PTPRR: variants seen among roughly 807,000 people sequenced by gnomAD.
The protein encoded by PTPRR is receptor-type tyrosine-protein phosphatase R.
PTPRR carries 38 observed loss-of-function variants against 77.2 expected under a neutral mutation model. The ratio of observed to expected loss-of-function variants is 0.49; its 90% confidence interval spans 0.38 to 0.65. PTPRR has a LOEUF of 0.65. Among genes scored for constraint, PTPRR ranks in the 30% least tolerant of loss-of-function variants. The pLI is 0.00. For missense variants in PTPRR, 744 were observed against 799.2 expected (o/e 0.93, Z 0.83); for synonymous variants, 299 against 283.1 (o/e 1.06, Z -0.57).
intron 1 of PTPRR, among the ~76,000 whole-genome samples, chr12:70,895,154 T>C (rs191560924): frequency 2.2e-4 from 34 of 151,720 alleles, no homozygotes; most frequent in African/African-American, 7.5e-4. Context: ...CAAGGCTTGA[T>C]GGAAAGCAAA....
intron 2 of PTPRR, among the ~76,000 whole-genome samples, chr12:70,866,190 A>T (rs10879207): frequency 6.6e-6 from 1 of 150,994 alleles, no homozygotes; most frequent in Non-Finnish European, 1.5e-5. Flanking sequence ...AAATCAGAGC[A>T]GAACTGAAGG....
At chr12:70,713,479 C>T (rs1047167008) in intron 6 of PTPRR, among the ~76,000 whole-genome samples, 2 of 151,762 alleles carry the variant, frequency 1.3e-5, no homozygotes, top group Non-Finnish European at 2.9e-5. Context: ...AAATTCTTTT[C>T]CAAAGTGGCT....
intron 10 of PTPRR, among the ~76,000 whole-genome samples, chr12:70,663,091 A>T (rs533421457): frequency 6.6e-6 from 1 of 152,360 alleles, no homozygotes; most frequent in East Asian, 1.9e-4. Flanking sequence ...GTTAGGTGGC[A>T]TACAACCAAG....
At chr12:70,911,785 T>C (rs1399874334) in intron 1 of PTPRR, among the ~76,000 whole-genome samples, 2 of 138,834 alleles carry the variant, frequency 1.4e-5, no homozygotes, top group East Asian at 4.2e-4. Context: ...GAATCCAGAA[T>C]GTATCTAGGT....
At chr12:70,917,113 A>G (rs1161806280) in intron 1 of PTPRR, among the ~76,000 whole-genome samples, 1 of 152,234 alleles carries the variant, frequency 6.6e-6, no homozygotes, top group African/African-American at 2.4e-5. Flanking sequence ...GAAATGCTGA[A>G]GAAAATAAGC....
In PTPRR at chr12:70,803,809, T is replaced by C. The variant is rs1891659384; in HGVS notation, c.358-39031A>G. Among the ~76,000 whole-genome samples, 4 of 152,286 alleles carry C rather than the reference T, an allele frequency of 2.6e-5. No homozygotes were observed. The South Asian group carries it at 8.3e-4, about 32-fold the overall frequency. ...ATGAGGAAACAGAATTGAAAATTAT[T>C]CTCAGAAATTATTTGCAATTGATCT... On this transcript the variant is annotated intron_variant, in intron 2 of 13. Coordinates refer to ENST00000283228, the MANE Select transcript of PTPRR (RefSeq NM_002849.4).
At chr12:70,730,172 T>C (rs1355565939) in intron 6 of PTPRR, among the ~76,000 whole-genome samples, 1 of 152,192 alleles carries the variant, frequency 6.6e-6, no homozygotes, top group East Asian at 1.9e-4. Flanking sequence ...TACAGTATAG[T>C]GCTGTTTCAC....
chr12:70,654,960 C>A (rs982215934), intron 13 of PTPRR, among the ~76,000 whole-genome samples: 1 of 152,156 alleles, frequency 6.6e-6, no homozygotes, highest in Non-Finnish European at 1.5e-5. Flanking sequence ...AACTCTTGTT[C>A]CACTGTAGTA....
chr12:70,742,031 T>C (rs1565676827), intron 6 of PTPRR, among the ~76,000 whole-genome samples: 1 of 152,084 alleles, frequency 6.6e-6, no homozygotes, highest in Non-Finnish European at 1.5e-5. Flanking sequence ...CTGCTGGAAA[T>C]GAAGGGGCTG....
At chr12:70,844,236 C>A (rs1892446847) in intron 2 of PTPRR, among the ~76,000 whole-genome samples, 1 of 152,090 alleles carries the variant, frequency 6.6e-6, no homozygotes, top group Middle Eastern at 3.4e-3. Flanking sequence ...TTTAAAGAAA[C>A]CAAAAATGAA....
At chr12:70,733,470 C>A (rs945465888) in intron 6 of PTPRR, among the ~76,000 whole-genome samples, 171 of 73,750 alleles carry the variant, frequency 2.3e-3, no homozygotes, top group African/African-American at 4.7e-3. Flanking sequence ...AAAATTATGG[C>A]AAAAAAAAAA....
chr12:70,701,569 A>G (rs1402732897), intron 6 of PTPRR, among the ~76,000 whole-genome samples: 1 of 152,248 alleles, frequency 6.6e-6, no homozygotes, highest in Non-Finnish European at 1.5e-5. Flanking sequence ...GAATGCATAT[A>G]CTTATTACAG....
chr12:70,737,045 G>A (rs1048777671), intron 6 of PTPRR, among the ~76,000 whole-genome samples: 3 of 152,100 alleles, frequency 2.0e-5, no homozygotes, highest in Non-Finnish European at 2.9e-5. Context: ...CTGCCACTTC[G>A]CTGGAGCAGC....
At chr12:70,759,679 T>TA (rs34011060) in intron 4 of PTPRR, among the ~76,000 whole-genome samples, 3,117 of 34,412 alleles carry the variant, frequency 0.091, 742 homozygotes, top group Non-Finnish European at 0.11. Flanking sequence ...GACTCCGTCT[T>TA]AAAAAAAAAA....
chr12:70,800,494 G>T (rs187559816), intron 2 of PTPRR, among the ~76,000 whole-genome samples: 2 of 152,264 alleles, frequency 1.3e-5, no homozygotes, highest in East Asian at 3.9e-4. Flanking sequence ...CACTTGCTAT[G>T]TCCCAGTCAC....
At chr12:70,640,679 A>C (rs141997437) in intron 13 of PTPRR, among the ~76,000 whole-genome samples, 32 of 152,330 alleles carry the variant, frequency 2.1e-4, no homozygotes, top group African/African-American at 7.5e-4. Flanking sequence ...ATTCAAAATA[A>C]CTTTCAGATT....
chr12:70,912,728 T>C (rs1184287078), intron 1 of PTPRR, among the ~76,000 whole-genome samples: 1 of 152,178 alleles, frequency 6.6e-6, no homozygotes, highest in African/African-American at 2.4e-5. Context: ...ATGTTTATAA[T>C]ATAAATTTGC....
intron 4 of PTPRR, among the ~76,000 whole-genome samples, chr12:70,756,974 T>C (rs568617388): frequency 2.6e-5 from 4 of 152,298 alleles, no homozygotes; most frequent in South Asian, 2.1e-4. Context: ...ATGAGATGTA[T>C]CCTATAACAA....
intron 8 of PTPRR, among the ~76,000 whole-genome samples, chr12:70,687,573 TA>T (rs1887917802): frequency 6.6e-6 from 1 of 152,086 alleles, no homozygotes; most frequent in Non-Finnish European, 1.5e-5. Context: ...GGAAGACCCT[TA>T]GGTGGCATCC....
Sources: gnomAD v4.1 joint callset for allele counts (sites outside exome capture counted in the v4.1 genomes callset) on GRCh38, gnomAD v4.1.1 for gene constraint, MANE v1.5 for transcripts, NCBI Gene and HGNC (gene_info 2026-07-23, HGNC 2026-07-21) for gene names.